The following CPA6 variants were observed in gnomAD, a reference collection of about 807,000 sequenced individuals.
CPA6 encodes the protein carboxypeptidase B.
CPA6 carries 58 observed loss-of-function variants against 63.3 expected under a neutral mutation model. The observed-to-expected ratio is 0.92, with a 90% CI of 0.74 to 1.14. The LOEUF (loss-of-function observed/expected upper bound fraction) is 1.14. CPA6 is among the 50% of genes most tolerant of loss of function. CPA6 has a pLI of 0.00. For missense variants in CPA6, 565 were observed against 526.6 expected (o/e 1.07, Z -0.71); for synonymous variants, 185 against 179.0 (o/e 1.03, Z -0.27).
intron 8 of CPA6, among the ~76,000 whole-genome samples, chr8:67,475,874 TCTTTCTC>T (rs1452850829): frequency 9.8e-4 from 83 of 84,996 alleles, no homozygotes; most frequent in East Asian, 1.3e-3. Flanking sequence ...TTTCTTTCTT[TCTTTCTC>T]CTTTCTTTCT....
At chr8:67,721,164 CT>C (rs971950067) in intron 1 of CPA6, among the ~76,000 whole-genome samples, 4 of 152,230 alleles carry the variant, frequency 2.6e-5, no homozygotes, top group Non-Finnish European at 5.9e-5. Flanking sequence ...AGCCCAAGAG[CT>C]TTTTAAAGCT....
intron 1 of CPA6, among the ~76,000 whole-genome samples, chr8:67,706,116 A>G (rs1301370281): frequency 1.3e-5 from 2 of 152,190 alleles, no homozygotes; most frequent in African/African-American, 4.8e-5. Context: ...TCATGAAAGG[A>G]ATTTATGAAA....
rs71554612 is a variant in CPA6 at position 67,559,852 on chromosome 8, A to AATAT, written c.193-41809_193-41806dup. On this transcript the variant is annotated intron_variant, in intron 2 of 10. Transcript: ENST00000297770. ...TTTCTACTGCTAATAAGTTGGACAA[A>AATAT]ATATATATATATATGTATACACACA... 5.2e-3 allele frequency among the ~76,000 whole-genome samples: 774 copies of AATAT among 148,122 alleles called. 3 individuals are homozygous for AATAT. The highest frequency in any genetic ancestry group is 0.017 in the African/African-American group (706 of 40,636).
intron 4 of CPA6, among the ~76,000 whole-genome samples, chr8:67,511,330 A>G (rs1231305411): frequency 6.6e-6 from 1 of 152,204 alleles, no homozygotes; most frequent in Admixed American, 6.5e-5. Context: ...TGAAATTAAA[A>G]TTATTTTGAT....
chr8:67,594,285 A>T (rs1350914956), intron 2 of CPA6, among the ~76,000 whole-genome samples: 1 of 152,108 alleles, frequency 6.6e-6, no homozygotes, highest in South Asian at 2.1e-4. Context: ...CTTTGTGGGT[A>T]ACCCGACCTT....
intron 1 of CPA6, among the ~76,000 whole-genome samples, chr8:67,665,856 G>A (rs567039045): frequency 6.6e-6 from 1 of 152,314 alleles, no homozygotes; most frequent in Non-Finnish European, 1.5e-5. Context: ...TCTGTAAAAT[G>A]GGCCTATCAC....
At chr8:67,517,467 C>G (rs1812169425) in intron 3 of CPA6, among the ~76,000 whole-genome samples, 2 of 152,300 alleles carry the variant, frequency 1.3e-5, no homozygotes, top group Admixed American at 6.5e-5. Context: ...TCTGAACTCC[C>G]TGTTTCTCCA....
intron 1 of CPA6, among the ~76,000 whole-genome samples, chr8:67,633,866 C>A (rs894810604): frequency 6.7e-6 from 1 of 150,006 alleles, no homozygotes; most frequent in African/African-American, 2.5e-5. Flanking sequence ...CCTTAAGAAT[C>A]TTTTTTTCTC....
chr8:67,428,735 G>A (rs951694901), intron 9 of CPA6, among the ~76,000 whole-genome samples: 4 of 152,016 alleles, frequency 2.6e-5, no homozygotes, highest in Non-Finnish European at 5.9e-5. Context: ...GGCCCACCTC[G>A]GCCTCCCAAA....
At chr8:67,717,705 T>G (rs574774086) in intron 1 of CPA6, among the ~76,000 whole-genome samples, 2 of 152,300 alleles carry the variant, frequency 1.3e-5, no homozygotes, top group Admixed American at 6.5e-5. Flanking sequence ...GAGAGAACAC[T>G]TGCAGATGTG....
chr8:67,601,161 T>G (rs1460525818), intron 2 of CPA6, among the ~76,000 whole-genome samples: 1 of 152,178 alleles, frequency 6.6e-6, no homozygotes, highest in Non-Finnish European at 1.5e-5. Context: ...TAATGTGTAG[T>G]AGAATAGCTG....
chr8:67,428,083 C>A lies in CPA6; in HGVS notation c.1090G>T (p.Val364Leu). 1.2e-6 allele frequency: 2 copies of A among 1,613,272 alleles called. No individual in the cohort carries two copies. The highest frequency in any genetic ancestry group is 1.6e-4 in the Middle Eastern group (1 of 6,062). The change falls in exon 10 of 11, where the codon GTA (valine) becomes TTA (leucine). Residue 364 changes from valine (V) to leucine (L), a missense_variant. Physicochemically the swap from Val to Leu is conservative, Grantham distance 32. Coordinates refer to ENST00000297770, the MANE Select transcript of CPA6 (RefSeq NM_020361.5). Reference protein sequence around the residue: ...AVNALQSVYGVRYRYGPASTT... With the variant: ...AVNALQSVYGLRYRYGPASTT... The stretch of plus-strand genomic sequence containing the variant: ...GAGGCTGGTCCATATCTGTATCGTA[C>A]CCCGTATACTGACTGAAGTGCATTC...
chr8:67,435,995 A>T (rs1810143353), intron 8 of CPA6, among the ~76,000 whole-genome samples: 2 of 150,720 alleles, frequency 1.3e-5, no homozygotes, highest in Admixed American at 1.3e-4. Flanking sequence ...GGCTTGGGGG[A>T]GGGCGTAAGG....
chr8:67,665,770 C>A (rs1256015937), intron 1 of CPA6, among the ~76,000 whole-genome samples: 1 of 152,118 alleles, frequency 6.6e-6, no homozygotes, highest in African/African-American at 2.4e-5. Context: ...CTTTGGAATC[C>A]AAAAGCTCGG....
intron 2 of CPA6, among the ~76,000 whole-genome samples, chr8:67,572,432 G>T (rs1297761187): frequency 2.6e-5 from 4 of 152,174 alleles, no homozygotes; most frequent in Admixed American, 2.6e-4. Flanking sequence ...TATAAAGCCA[G>T]AATGCCCCTC....
intron 2 of CPA6, among the ~76,000 whole-genome samples, chr8:67,589,386 C>G (rs183730579): frequency 8.9e-4 from 135 of 152,218 alleles, no homozygotes; most frequent in African/African-American, 3.0e-3. Flanking sequence ...AGGCTTATTG[C>G]CTATGCGATG....
chr8:67,490,195 C>A (rs1430524324), intron 6 of CPA6, among the ~76,000 whole-genome samples: 2 of 152,096 alleles, frequency 1.3e-5, no homozygotes, highest in Non-Finnish European at 2.9e-5. Flanking sequence ...GTAGGGGTTT[C>A]TAAAAGAAAC....
At chr8:67,468,527 A>C (rs529570704) in intron 8 of CPA6, among the ~76,000 whole-genome samples, 9 of 151,882 alleles carry the variant, frequency 5.9e-5, no homozygotes, top group Non-Finnish European at 8.8e-5. Context: ...TGAAAGTTGC[A>C]GTGATCCGAG....
At chr8:67,530,680 G>A (rs1403790191) in intron 2 of CPA6, among the ~76,000 whole-genome samples, 1 of 152,192 alleles carries the variant, frequency 6.6e-6, no homozygotes, top group East Asian at 1.9e-4. Context: ...AAAAGTTGTA[G>A]ATGTCTGTTA....
Sources: gnomAD v4.1 joint callset for allele counts (sites outside exome capture counted in the v4.1 genomes callset) on GRCh38, gnomAD v4.1.1 for gene constraint, MANE v1.5 for transcripts, NCBI Gene and HGNC (gene_info 2026-07-23, HGNC 2026-07-21) for gene names.